Variants in KSR2 observed in about 807,000 individuals in gnomAD.
The protein encoded by KSR2 is kinase suppressor of ras 2.
KSR2 carries 25 observed loss-of-function variants against 107.8 expected under a neutral mutation model. The observed-to-expected ratio is 0.23, with a 90% CI of 0.17 to 0.32. KSR2 has a LOEUF of 0.32. Ranked by LOEUF, KSR2 falls within the 10% of genes least tolerant of loss-of-function variation. The probability of loss-of-function intolerance (pLI) is 1.00; values close to 1 mark genes in which losing one functional copy is unlikely to be tolerated. For synonymous variants in KSR2, 480 were observed against 507.0 expected, an observed-to-expected ratio of 0.95 and a Z score of 0.71; for missense variants, 887 against 1,268.9, an observed-to-expected ratio of 0.70 and a Z score of 4.57.
intron 6 of KSR2, among the ~76,000 whole-genome samples, chr12:117,581,666 T>C (rs1294111608): frequency 6.6e-6 from 1 of 152,104 alleles, no homozygotes; most frequent in Non-Finnish European, 1.5e-5. Context: ...TTAAAGGACT[T>C]CTTATAAGGG....
intron 3 of KSR2, among the ~76,000 whole-genome samples, chr12:117,827,551 C>T (rs1030426281): frequency 3.3e-5 from 5 of 152,178 alleles, no homozygotes; most frequent in Non-Finnish European, 7.3e-5. Flanking sequence ...ATAAATTAGA[C>T]AACCCATGCA....
At chr12:117,887,139 G>A (rs1259489988) in intron 1 of KSR2, among the ~76,000 whole-genome samples, 1 of 152,064 alleles carries the variant, frequency 6.6e-6, no homozygotes, top group Non-Finnish European at 1.5e-5. Context: ...GCCTAGGCTG[G>A]TCTCGAACTC....
At chr12:117,741,833 A>T (rs1319649484) in intron 4 of KSR2, among the ~76,000 whole-genome samples, 1 of 152,250 alleles carries the variant, frequency 6.6e-6, no homozygotes, top group South Asian at 2.1e-4. Flanking sequence ...CATAATTATA[A>T]TTGATTCAGG....
chr12:117,856,540 G>A (rs145049522), intron 2 of KSR2, among the ~76,000 whole-genome samples: 3 of 152,132 alleles, frequency 2.0e-5, no homozygotes, highest in Admixed American at 1.3e-4. Flanking sequence ...GCAATGGCGC[G>A]ATCTCGGCTC....
In KSR2 at chr12:117,761,138, G is replaced by A. The variant is rs774345332; in HGVS notation, c.859C>T (p.Pro287Ser). The change falls in exon 4 of 20, where the codon CCC becomes TCC. Residue 287 changes from proline to serine, a missense_variant. This residue lies in a region of KSR2 where 399 missense variants were observed against 479.5 expected (regional missense o/e 0.83). Transcript: ENST00000339824. ...PPMRKKNKLK[P>S]PGTPPPSSRK... ...GAGGAGGGCGGTGGGGTCCCCGGGG[G>A]CTTCAGCTTGTTCTTCTTCCTCATG... The A allele has an allele frequency of 6.2e-6, 10 of 1,611,744 alleles. No individual in the cohort carries two copies. Among genetic ancestry groups the A allele is most frequent in the African/African-American group, 1.3e-5 (1 of 74,832 alleles).
intron 4 of KSR2, among the ~76,000 whole-genome samples, chr12:117,718,575 C>T (rs149087298): frequency 3.0e-3 from 451 of 152,298 alleles, no homozygotes; most frequent in Non-Finnish European, 5.0e-3. Flanking sequence ...GAATGAGTGG[C>T]TCAGGGGCAG....
At chr12:117,600,971 T>C (rs534469474) in intron 5 of KSR2, among the ~76,000 whole-genome samples, 1 of 152,056 alleles carries the variant, frequency 6.6e-6, no homozygotes, top group Non-Finnish European at 1.5e-5. Flanking sequence ...CCTGGATGAG[T>C]CTTTTGCCCC....
intron 3 of KSR2, among the ~76,000 whole-genome samples, chr12:117,806,790 C>A (rs1566024997): frequency 6.6e-6 from 1 of 152,176 alleles, no homozygotes; most frequent in Non-Finnish European, 1.5e-5. Context: ...GCTTTTTTCA[C>A]TTTGTCTAAT....
At chr12:117,726,297 C>CA (rs1325011860) in intron 4 of KSR2, among the ~76,000 whole-genome samples, 2 of 151,874 alleles carry the variant, frequency 1.3e-5, no homozygotes, top group African/African-American at 4.8e-5. Context: ...CAGTAAGTCC[C>CA]AAAAAAAGAT....
chr12:117,570,673 A>G (rs1161024031), intron 7 of KSR2, among the ~76,000 whole-genome samples: 1 of 152,232 alleles, frequency 6.6e-6, no homozygotes, highest in Non-Finnish European at 1.5e-5. Flanking sequence ...TAAATGCTGA[A>G]CAACGTATTT....
intron 3 of KSR2, among the ~76,000 whole-genome samples, chr12:117,766,899 G>A (rs1478669706): frequency 6.6e-6 from 1 of 151,310 alleles, no homozygotes; most frequent in Non-Finnish European, 1.5e-5. Flanking sequence ...GGGGCGGGGT[G>A]GTGAGACAGA....
intron 1 of KSR2, among the ~76,000 whole-genome samples, chr12:117,872,343 C>T (rs61939882): frequency 0.08 from 12,176 of 152,128 alleles, 579 homozygotes; most frequent in South Asian, 0.2. Context: ...GCTGGAGGAT[C>T]GCTTAAGGCC....
At chr12:117,641,343 C>G (rs1883346700) in intron 5 of KSR2, among the ~76,000 whole-genome samples, 1 of 152,190 alleles carries the variant, frequency 6.6e-6, no homozygotes, top group African/African-American at 2.4e-5. Flanking sequence ...AGCCGACCCA[C>G]CTGCCTCTGC....
chr12:117,968,315 G>GA lies in KSR2; in HGVS notation c.-61dup. On this transcript the variant is annotated 5_prime_UTR_variant, in exon 1 of 20. Transcript: ENST00000339824. ...TCCCAGAGAGAAAAAAGAGGGGGGG[G>GA]AGTAGAGGTAGTCTACCCTCCGCCT... is the stretch of plus-strand genomic sequence containing the variant. 6.9e-7 allele frequency: 1 copy of GA among 1,453,110 alleles called. No homozygotes were observed. Among genetic ancestry groups the GA allele is most frequent in the South Asian group, 1.4e-5 (1 of 69,008 alleles). The allele number at this position is 1,453,110 out of a possible 1,614,324, so 90.0% of individuals were successfully genotyped here. A position where few individuals can be genotyped will look rare whatever the true frequency, so the allele number is the denominator to read the frequency against.
chr12:117,960,479 C>T (rs1332971930), intron 1 of KSR2, among the ~76,000 whole-genome samples: 1 of 152,166 alleles, frequency 6.6e-6, no homozygotes, highest in Non-Finnish European at 1.5e-5. Context: ...ATGTAAGAAA[C>T]CCGGGCTATC....
intron 5 of KSR2, among the ~76,000 whole-genome samples, chr12:117,591,602 T>C (rs1001300469): frequency 6.6e-6 from 1 of 151,874 alleles, no homozygotes; most frequent in Non-Finnish European, 1.5e-5. Context: ...AGGGCTGGTA[T>C]GTGGCGGCTA....
intron 3 of KSR2, among the ~76,000 whole-genome samples, chr12:117,763,821 G>A (rs1433906783): frequency 2.0e-5 from 3 of 152,188 alleles, no homozygotes; most frequent in African/African-American, 7.2e-5. Context: ...GGAGTTGCAA[G>A]AGATGATGCT....
chr12:117,759,708 G>C (rs1047638943), intron 4 of KSR2, among the ~76,000 whole-genome samples: 1 of 152,040 alleles, frequency 6.6e-6, no homozygotes, highest in African/African-American at 2.4e-5. Flanking sequence ...TCTACTCTAG[G>C]TATCTCATAT....
At chr12:117,954,121 T>C (rs1289036228) in intron 1 of KSR2, among the ~76,000 whole-genome samples, 2 of 152,010 alleles carry the variant, frequency 1.3e-5, no homozygotes, top group Non-Finnish European at 2.9e-5. Flanking sequence ...GTAAATTTTA[T>C]GTATGTTTTC....
Sources: allele counts gnomAD v4.1 joint callset (sites outside exome capture counted in the v4.1 genomes callset), GRCh38; gene constraint gnomAD v4.1.1; regional missense constraint gnomAD v4.1.1; transcripts MANE v1.5; gene names NCBI Gene and HGNC (gene_info 2026-07-23, HGNC 2026-07-21).